The following MUC5B variants were observed in gnomAD, a reference collection of about 807,000 sequenced individuals.
MUC5B encodes mucin 5B, oligomeric mucus/gel-forming.
Under a neutral mutation model 376.9 loss-of-function variants are expected in MUC5B, and 116 were observed. The ratio of observed to expected loss-of-function variants is 0.31; its 90% CI spans 0.26 to 0.36. The LOEUF (loss-of-function observed/expected upper bound fraction) is 0.36. Among genes scored for constraint, MUC5B ranks in the 10% least tolerant of loss-of-function variants. The pLI, the probability that MUC5B is intolerant of heterozygous loss-of-function variation, is 1.00. For missense variants in MUC5B, 7,165 were observed against 7,769.9 expected (o/e 0.92, Z 2.93); for synonymous variants, 3,517 against 3,390.9 (o/e 1.04, Z -1.29).
intron 28 of MUC5B, 21 bp downstream of exon 28, chr11:1,239,964 T>C: frequency 6.2e-7 from 1 of 1,611,596 alleles, no homozygotes; most frequent in African/African-American, 1.3e-5. Flanking sequence ...GGGAAGCGGG[T>C]GGCGCTGGGG....
At position 1,241,350 on chromosome 11, in the gene MUC5B, C is replaced by T. The variant is rs549128177; in HGVS notation, c.4470C>T (p.Pro1490=). The change falls in exon 31 of 49, where the codon CCC becomes CCT. Residue 1490 remains proline, a synonymous_variant. Coordinates refer to ENST00000529681, the MANE Select transcript of MUC5B (RefSeq NM_002458.3). ...CGCAGACTGGGTCCAGCTCAGGCCCCGTGACGGTCACCCCCTCGGCCCCAG... is the reference window on the plus strand; with the variant it reads ...CGCAGACTGGGTCCAGCTCAGGCCCTGTGACGGTCACCCCCTCGGCCCCAG... The part of the protein sequence containing the change: ...LTSQTGSSSG[P]VTVTPSAPGT... 1.8e-5 allele frequency: 29 copies of T among 1,611,888 alleles called. No homozygotes were observed. Among genetic ancestry groups the T allele is most frequent in the Middle Eastern group, 1.7e-4 (1 of 6,058 alleles).
chr11:1,257,111 C>CT lies in MUC5B; in HGVS notation c.16238-129_16238-128insT. Reference sequence around the variant, plus strand: ...TGAGCTCCAGCCACATCTGACACCCCAAAAGTTCTCCAGGGCCTTCCATCC... The same window carrying CT: ...TGAGCTCCAGCCACATCTGACACCCCTAAAAGTTCTCCAGGGCCTTCCATCC... On this transcript the variant is annotated intron_variant, in intron 39 of 48. Coordinates refer to ENST00000529681, the MANE Select transcript of MUC5B (RefSeq NM_002458.3). This position sits in a 1 kb window ranked among gnomAD's most constrained non-coding sequence, Gnocchi z 8.9. 1 of 702,318 alleles carries CT rather than the reference C, an allele frequency of 1.4e-6. No homozygotes were observed. The highest frequency in any genetic ancestry group is 2.7e-6 in the Non-Finnish European group (1 of 376,982). The allele number at this position is 702,318 out of a possible 1,614,324, so 43.5% of individuals were successfully genotyped here.
rs1013437841 is a variant in MUC5B at position 1,253,163 on chromosome 11, G to T, written c.15217+183G>T. On this transcript the variant is annotated intron_variant, in intron 33 of 48. Coordinates refer to ENST00000529681, the MANE Select transcript of MUC5B (RefSeq NM_002458.3). This position sits in a 1 kb window ranked among gnomAD's most constrained non-coding sequence, Gnocchi z 4.3. ...GGGCATGGTGGGGTGTGGTGGTGGT[G>T]TTTGGGAGATCGCTGGCATCCCTTC... is the stretch of plus-strand genomic sequence containing the variant. 1.5e-5 allele frequency: 11 copies of T among 734,248 alleles called. No homozygotes were observed. The African/African-American group carries it at 1.9e-4, about 13-fold the overall frequency. 45.5% of individuals were successfully genotyped at this position (734,248 alleles called of 1,614,324 possible).
chr11:1,230,933 C>T lies in MUC5B; in HGVS notation c.1471-3C>T, dbSNP rs1169728899. On this transcript the variant is annotated splice_polypyrimidine_tract_variant and splice_region_variant and intron_variant, in intron 12 of 48. Coordinates refer to ENST00000529681, the MANE Select transcript of MUC5B (RefSeq NM_002458.3). ...CTGACCTCCCGCCCGCCTCCTTCCG[C>T]AGGCCATCCGGGTCCAAGCGGACGG... is the stretch of plus-strand genomic sequence containing the variant. 1 of 1,587,268 alleles carries T rather than the reference C, an allele frequency of 6.3e-7. No homozygotes were observed. The highest frequency in any genetic ancestry group is 1.2e-5 in the South Asian group (1 of 86,798).
At position 1,230,132 on chromosome 11, in the gene MUC5B, G is replaced by C; in HGVS notation, c.1348G>C (p.Val450Leu). The C allele has an allele frequency of 6.2e-7, 1 of 1,606,696 alleles. No homozygotes were observed. Among genetic ancestry groups the C allele is most frequent in the Non-Finnish European group, 8.5e-7 (1 of 1,176,932 alleles). ...CGACCTGCATGGTGACTGCAGCTAC[G>C]TTCTGTCCAAGGTCTGGGCTTGGGG... Reference protein sequence around the residue: ...LYDLHGDCSYVLSKKCADSSF... With the variant: ...LYDLHGDCSYLLSKKCADSSF... Residue 450 changes from valine to leucine, a missense_variant, in exon 11 of 49, where the codon GTT becomes CTT. By Grantham distance (32) the Val-to-Leu change is conservative. Coordinates refer to ENST00000529681, the MANE Select transcript of MUC5B (RefSeq NM_002458.3).
Position 1,254,363 on chromosome 11 carries a change from C to A in MUC5B, c.15477+12C>A, listed in dbSNP as rs56352092. The A allele has an allele frequency of 0.037, 59,596 of 1,598,332 alleles. 1,442 individuals carry two copies. Among genetic ancestry groups the A allele is most frequent in the African/African-American group, 0.097 (7,312 of 75,012 alleles). ...AGGAGGAGGGCCTGGTGAGTCCAGGCTGCGGGTGGCACAGTGTTGGCCCAG... is the reference window on the plus strand; with the variant it reads ...AGGAGGAGGGCCTGGTGAGTCCAGGATGCGGGTGGCACAGTGTTGGCCCAG... On this transcript the variant is annotated intron_variant, in intron 34 of 48. Coordinates refer to ENST00000529681, the MANE Select transcript of MUC5B (RefSeq NM_002458.3).
Position 1,254,200 on chromosome 11 carries a change from T to C in MUC5B, c.15326T>C (p.Phe5109Ser). 6.2e-7 allele frequency: 1 copy of C among 1,612,848 alleles called. No homozygotes were observed. The change falls in exon 34 of 49, where the codon TTT becomes TCT. Residue 5109 changes from phenylalanine to serine, a missense_variant. Phe to Ser is a radical substitution (Grantham distance 155). Around this residue, in one of 31 missense-constraint regions of MUC5B, gnomAD observed 842 missense variants for 1,016.9 expected, o/e 0.83. Transcript: ENST00000529681. ...YVLMREIHAR[F>S]GNLSLYLDNH... ...CTCATGAGAGAGATCCATGCACGCT[T>C]TGGGAATCTCAGCCTCTACCTGGAC...
chr11:1,256,745 A>G lies in MUC5B; in HGVS notation c.16211A>G (p.His5404Arg), dbSNP rs1445516705. The G allele has an allele frequency of 6.5e-7, 1 of 1,547,314 alleles. No homozygotes were observed. Among genetic ancestry groups the G allele is most frequent in the East Asian group, 2.5e-5 (1 of 40,572 alleles). ...GAGGACCAGATCCTCTTCAACGCAC[A>G]CATGGGCATCTGCGTGCAGGCCTGC... is the stretch of plus-strand genomic sequence containing the variant. ...CPEDQILFNA[H>R]MGICVQACPC... The change falls in exon 39 of 49, where the codon CAC becomes CGC. Residue 5404 changes from histidine to arginine, a missense_variant. His to Arg is a conservative substitution (Grantham distance 29). Transcript: ENST00000529681.
chr11:1,228,634 C>A lies in MUC5B; in HGVS notation c.845C>A (p.Ala282Glu), dbSNP rs371465585. The A allele has an allele frequency of 5.6e-4, 857 of 1,534,066 alleles. 1 individual carries two copies. The highest frequency in any genetic ancestry group is 7.1e-4 in the Non-Finnish European group (811 of 1,146,282). Residue 282 changes from alanine (A) to glutamate (E), a missense_variant, in exon 8 of 49, where the codon GCG becomes GAG. Ala to Glu is a moderately radical substitution (Grantham distance 107). Transcript: ENST00000529681. The stretch of plus-strand genomic sequence containing the variant: ...TGCCACGCACTGGTGGACAGCACTG[C>A]GTACCTGGCCGCCTGCGCCCAGGAC... ...AECHALVDSTAYLAACAQDLC... is the reference protein window; with the variant it reads ...AECHALVDSTEYLAACAQDLC...
Position 1,254,598 on chromosome 11 carries a change from T to C in MUC5B, c.15478-96T>C, listed in dbSNP as rs56311351. On this transcript the variant is annotated intron_variant, in intron 34 of 48. Coordinates refer to ENST00000529681, the MANE Select transcript of MUC5B (RefSeq NM_002458.3). ...TTGGGGTGGGGGATACACAGGGGGG[T>C]CTCTGCACATGGAGGCAGAGCCCCA... The C allele has an allele frequency of 1.5e-3, 1,911 of 1,302,056 alleles. 18 individuals carry two copies. In the African/African-American group the frequency reaches 0.025, roughly 17 times the overall value. The allele number at this position is 1,302,056 out of a possible 1,614,324, so 80.7% of individuals were successfully genotyped here. A position where few individuals can be genotyped will look rare whatever the true frequency, so the allele number is the denominator to read the frequency against.
At chr11:1,261,352 C>G (rs1216359547) in intron 48 of MUC5B, 37 bp from the exon 49 acceptor site, 3 of 1,521,232 alleles carry the variant, frequency 2.0e-6, no homozygotes, top group Admixed American at 3.9e-5. Context: ...ACGGCGGGGC[C>G]AAGGTGGCTG....
chr11:1,234,341 A>AG lies in MUC5B; in HGVS notation c.2478+40dup. 6.9e-7 allele frequency: 1 copy of AG among 1,458,018 alleles called. No homozygotes were observed. Among genetic ancestry groups the AG allele is most frequent in the Non-Finnish European group, 9.5e-7 (1 of 1,054,948 alleles). 90.3% of individuals were successfully genotyped at this position (1,458,018 alleles called of 1,614,324 possible). A position where few individuals can be genotyped will look rare whatever the true frequency, so the allele number is the denominator to read the frequency against. Reference sequence around the variant, plus strand: ...TGCTTCAGGGAGGGGTGGGCAGGGAAGGGGTCCCAGCTTTCCCAGCTCCCG... The same window carrying AG: ...TGCTTCAGGGAGGGGTGGGCAGGGAAGGGGGTCCCAGCTTTCCCAGCTCCCG... On this transcript the variant is annotated intron_variant, in intron 20 of 48. Coordinates refer to ENST00000529681, the MANE Select transcript of MUC5B (RefSeq NM_002458.3). This position sits in a 1 kb window ranked among gnomAD's most constrained non-coding sequence, Gnocchi z 6.3.
rs865930645 is a variant in MUC5B at position 1,255,495 on chromosome 11, G to A, written c.16003G>A (p.Ala5335Thr). ...EVPCQSLEAY[A>T]ELCRARGVCS... ...GCCCTGCCAGAGCCTGGAGGCTTAC[G>A]CAGAGCTCTGCCGCGCCCGGGGAGT... is the stretch of plus-strand genomic sequence containing the variant. The change falls in exon 37 of 49, where the codon GCA becomes ACA. Residue 5335 changes from alanine (A) to threonine (T), a missense_variant. Transcript: ENST00000529681. 1.8e-5 allele frequency: 28 copies of A among 1,567,756 alleles called. No individual in the cohort carries two copies. The highest frequency in any genetic ancestry group is 1.4e-4 in the African/African-American group (10 of 73,660).
At chr11:1,226,444 G>T (rs1024422202) in intron 3 of MUC5B, 168 bp downstream of exon 3, 10 of 1,259,852 alleles carry the variant, frequency 7.9e-6, no homozygotes, top group Non-Finnish European at 1.1e-5. Context: ...GGATGGGGAC[G>T]GGTCAGGGGT....
chr11:1,255,079 C>T lies in MUC5B; in HGVS notation c.15703C>T (p.Arg5235Trp), dbSNP rs751439506. The change falls in exon 36 of 49, where the codon CGG (arginine) becomes TGG (tryptophan). Residue 5235 changes from arginine to tryptophan, a missense_variant. By Grantham distance (101) the Arg-to-Trp change is moderately radical. Around this residue, in one of 31 missense-constraint regions of MUC5B, gnomAD observed 842 missense variants for 1,016.9 expected, o/e 0.83. Transcript: ENST00000529681. ...CAACCAGAGGGACGACTGTCTCCAG[C>T]GGGACGGAACCACTGCCGCCAGTTG... The part of the protein sequence containing the change: ...TNNQRDDCLQ[R>W]DGTTAASCKD... The T allele has an allele frequency of 8.9e-5, 142 of 1,595,008 alleles. No individual in the cohort carries two copies. The South Asian group carries it at 1.4e-3, about 16-fold the overall frequency.
rs1862757237 is a variant in MUC5B, at chr11:1,253,515, T to C, written c.15217+535T>C. On this transcript the variant is annotated intron_variant, in intron 33 of 48. Coordinates refer to ENST00000529681, the MANE Select transcript of MUC5B (RefSeq NM_002458.3). This position sits in a 1 kb window ranked among gnomAD's most constrained non-coding sequence, Gnocchi z 4.3. ...GGCGTTCTCACTCCTCCCCATGTCC[T>C]TGGCCCAGGGCTGCTGTTCCAAACC... 6.6e-6 allele frequency among the ~76,000 whole-genome samples: 1 copy of C among 152,182 alleles called. No individual in the cohort carries two copies. The highest frequency in any genetic ancestry group is 2.4e-5 in the African/African-American group (1 of 41,446).
In MUC5B at chr11:1,247,418, A is replaced by G. The variant is rs1421646276; in HGVS notation, c.10538A>G (p.His3513Arg). Reference protein sequence around the residue: ...QHSTPALSSPHPSSRTTESPP... With the variant: ...QHSTPALSSPRPSSRTTESPP... ...TCGACTCCAGCCCTGTCCAGCCCTCACCCTAGCAGCAGGACCACCGAGTCA... is the reference window on the plus strand; with the variant it reads ...TCGACTCCAGCCCTGTCCAGCCCTCGCCCTAGCAGCAGGACCACCGAGTCA... Residue 3513 changes from histidine to arginine, a missense_variant, in exon 31 of 49, where the codon CAC (histidine) becomes CGC (arginine). This residue lies in a region of MUC5B where 939 missense variants were observed against 770.6 expected (regional missense o/e 1.22). Coordinates refer to ENST00000529681, the MANE Select transcript of MUC5B (RefSeq NM_002458.3). 3.7e-6 allele frequency: 6 copies of G among 1,604,684 alleles called. No individual in the cohort carries two copies. The African/African-American group carries it at 8.3e-5, about 22-fold the overall frequency.
Position 1,246,041 on chromosome 11 carries a change from T to G in MUC5B, c.9161T>G (p.Leu3054Arg). The G allele has an allele frequency of 6.2e-7, 1 of 1,612,572 alleles. No individual in the cohort carries two copies. Among genetic ancestry groups the G allele is most frequent in the South Asian group, 1.1e-5 (1 of 91,014 alleles). ...SPRTATTLPV[L>R]TSTATKSTAT... is the part of the protein sequence containing the mutation. ...AGGACTGCAACCACCCTTCCAGTGCTGACAAGCACAGCCACCAAATCCACA... is the reference window on the plus strand; with the variant it reads ...AGGACTGCAACCACCCTTCCAGTGCGGACAAGCACAGCCACCAAATCCACA... The change falls in exon 31 of 49, where the codon CTG (leucine) becomes CGG (arginine). Residue 3054 changes from leucine (L) to arginine (R), a missense_variant. By Grantham distance (102) the Leu-to-Arg change is moderately radical. Around this residue, in one of 31 missense-constraint regions of MUC5B, gnomAD observed 939 missense variants for 770.6 expected, o/e 1.22. Coordinates refer to ENST00000529681, the MANE Select transcript of MUC5B (RefSeq NM_002458.3).
chr11:1,254,193 G>A lies in MUC5B; in HGVS notation c.15319G>A (p.Ala5107Thr). The part of the protein sequence containing the change: ...CTYVLMREIH[A>T]RFGNLSLYLD... Reference sequence around the variant, plus strand: ...CTATGTCCTCATGAGAGAGATCCATGCACGCTTTGGGAATCTCAGCCTCTA... The same window carrying A: ...CTATGTCCTCATGAGAGAGATCCATACACGCTTTGGGAATCTCAGCCTCTA... Residue 5107 changes from alanine (A) to threonine (T), a missense_variant, in exon 34 of 49, where the codon GCA (alanine) becomes ACA (threonine). Around this residue, in one of 31 missense-constraint regions of MUC5B, gnomAD observed 842 missense variants for 1,016.9 expected, o/e 0.83. Coordinates refer to ENST00000529681, the MANE Select transcript of MUC5B (RefSeq NM_002458.3). 1.2e-6 allele frequency: 2 copies of A among 1,612,882 alleles called. No individual in the cohort carries two copies. The highest frequency in any genetic ancestry group is 1.7e-6 in the Non-Finnish European group (2 of 1,179,872).
Sources: allele counts gnomAD v4.1 joint callset (sites outside exome capture counted in the v4.1 genomes callset), GRCh38; gene constraint gnomAD v4.1.1; regional missense constraint gnomAD v4.1.1; non-coding constraint Gnocchi (gnomAD v3.1); transcripts MANE v1.5; gene names NCBI Gene and HGNC (gene_info 2026-07-23, HGNC 2026-07-21).